TMEM174: variants seen among roughly 807,000 people sequenced by gnomAD.
The protein encoded by TMEM174 is transmembrane protein 174.
A neutral mutation model predicts 15.1 loss-of-function variants in TMEM174; 11 were observed. The observed-to-expected ratio is 0.73, with a 90% CI of 0.46 to 1.20. The LOEUF (loss-of-function observed/expected upper bound fraction) is 1.20. Ranked by LOEUF, TMEM174 falls within the 50% of genes most tolerant of loss-of-function variation. The probability of loss-of-function intolerance (pLI) is 0.00; values close to 1 mark genes in which losing one functional copy is unlikely to be tolerated. For missense variants in TMEM174, 321 were observed against 303.6 expected (o/e 1.06, Z -0.43); for synonymous variants, 130 against 121.3 (o/e 1.07, Z -0.47).
In TMEM174 at chr5:73,174,195, C is replaced by G. The variant is rs371038389; in HGVS notation, c.*30C>G. The G allele has an allele frequency of 3.5e-5, 55 of 1,592,264 alleles. No homozygotes were observed. Among genetic ancestry groups the G allele is most frequent in the African/African-American group, 2.7e-5 (2 of 74,488 alleles). ...TATTCTGATATAATAACACAATGCT[C>G]AGCTCAGGGAGCAAGTGTTTCCGTC... On this transcript the variant is annotated 3_prime_UTR_variant, in exon 2 of 2. Transcript: ENST00000296776.
rs780956761 is a variant in TMEM174, at chr5:73,173,588, A to G, written c.345A>G (p.Pro115=). 4 of 1,614,240 alleles carry G rather than the reference A, an allele frequency of 2.5e-6. No homozygotes were observed. Among genetic ancestry groups the G allele is most frequent in the Admixed American group, 1.7e-5 (1 of 60,024 alleles). ...GGGTCCCGGACTCGGAACAGACACCAGGAGGACCATCATTTGTTTTCACTG... is the reference window on the plus strand; with the variant it reads ...GGGTCCCGGACTCGGAACAGACACCGGGAGGACCATCATTTGTTTTCACTG... ...EERVPDSEQT[P]GGPSFVFTGI... Residue 115 remains proline (P), a synonymous_variant, in exon 1 of 2, where the codon CCA becomes CCG. Coordinates refer to ENST00000296776, the MANE Select transcript of TMEM174 (RefSeq NM_153217.3).
rs1745009312 is a variant in TMEM174 at position 73,173,353 on chromosome 5, G to T, written c.110G>T (p.Gly37Val). ...DIQVSDDDKA[G>V]ATLLFSGIFL... is the part of the protein sequence containing the mutation. The stretch of plus-strand genomic sequence containing the variant: ...CAGGTGTCCGATGATGACAAGGCGG[G>T]GGCCACCTTGCTCTTCTCAGGCATC... Residue 37 changes from glycine to valine, a missense_variant, in exon 1 of 2, where the codon GGG becomes GTG. Physicochemically the swap from Gly to Val is moderately radical, Grantham distance 109 (BLOSUM62 -3). Transcript: ENST00000296776. The T allele has an allele frequency of 3.1e-6, 5 of 1,605,812 alleles. No individual in the cohort carries two copies. The highest frequency in any genetic ancestry group is 4.3e-6 in the Non-Finnish European group (5 of 1,174,410).
chr5:73,173,903 C>T, intron 1 of TMEM174, 34 bp downstream of exon 1: 1 of 1,598,122 alleles, frequency 6.3e-7, no homozygotes, highest in African/African-American at 1.3e-5. Flanking sequence ...TGCACTCCTT[C>T]TAGCCATCTC....
At position 73,173,485 on chromosome 5, in the gene TMEM174, T is replaced by A; in HGVS notation, c.242T>A (p.Val81Asp). 6.2e-7 allele frequency: 1 copy of A among 1,614,220 alleles called. No individual in the cohort carries two copies. The highest frequency in any genetic ancestry group is 1.7e-5 in the Admixed American group (1 of 60,026). ...CTCCTTGGGCCCGTCCTGCTGTCAG[T>A]TGGGGTGACATTCATCCTGATTGCT... ...TQLLGPVLLS[V>D]GVTFILIAVC... The change falls in exon 1 of 2, where the codon GTT (valine) becomes GAT (aspartate). Residue 81 changes from valine to aspartate, a missense_variant. By Grantham distance (152) the Val-to-Asp change is radical. Coordinates refer to ENST00000296776, the MANE Select transcript of TMEM174 (RefSeq NM_153217.3).
At chr5:73,173,992 T>C (rs1340001225) in intron 1 of TMEM174, 68 bp from the exon 2 acceptor site, 1 of 1,607,682 alleles carries the variant, frequency 6.2e-7, no homozygotes, top group African/African-American at 1.3e-5. Context: ...TTGCCCACGA[T>C]GGCAGCCTTG....
Position 73,174,782 on chromosome 5 carries a change from T to C in TMEM174, c.*617T>C, listed in dbSNP as rs1745040308. 6.6e-6 allele frequency: 1 copy of C among 152,644 alleles called. No individual in the cohort carries two copies. The highest frequency in any genetic ancestry group is 2.4e-5 in the African/African-American group (1 of 41,474). The allele number at this position is 152,644 out of a possible 1,614,324, so 9.5% of individuals were successfully genotyped here. Reference sequence around the variant, plus strand: ...AATCATGTCTCCTGCTAGAATAGTATTGGATACCTGACTAAATTACACAAA... The same window carrying C: ...AATCATGTCTCCTGCTAGAATAGTACTGGATACCTGACTAAATTACACAAA... On this transcript the variant is annotated 3_prime_UTR_variant, in exon 2 of 2. Coordinates refer to ENST00000296776, the MANE Select transcript of TMEM174 (RefSeq NM_153217.3).
In TMEM174 at chr5:73,174,789, C is replaced by A. The variant is rs1213590775; in HGVS notation, c.*624C>A. On this transcript the variant is annotated 3_prime_UTR_variant, in exon 2 of 2. Transcript: ENST00000296776. ...TCTCCTGCTAGAATAGTATTGGATA[C>A]CTGACTAAATTACACAAAATAGACC... 1 of 152,512 alleles carries A rather than the reference C, an allele frequency of 6.6e-6. No individual in the cohort carries two copies. The highest frequency in any genetic ancestry group is 6.5e-5 in the Admixed American group (1 of 15,286). The allele number at this position is 152,512 out of a possible 1,614,324, so 9.4% of individuals were successfully genotyped here.
chr5:73,173,995 C>A, intron 1 of TMEM174, 65 bp from the exon 2 acceptor site: 2 of 1,606,822 alleles, frequency 1.2e-6, no homozygotes, highest in Non-Finnish European at 1.7e-6. Context: ...CCCACGATGG[C>A]AGCCTTGGTT....
intron 1 of TMEM174, 66 bp from the exon 2 acceptor site, chr5:73,173,994 G>A: frequency 1.2e-6 from 2 of 1,607,348 alleles, no homozygotes; most frequent in Non-Finnish European, 1.7e-6. Context: ...GCCCACGATG[G>A]CAGCCTTGGT....
rs371650836 is a variant in TMEM174, at chr5:73,173,766, G to A, written c.523G>A (p.Ala175Thr). The A allele has an allele frequency of 5.9e-5, 95 of 1,614,058 alleles. No individual in the cohort carries two copies. The South Asian group carries it at 7.1e-4, about 12-fold the overall frequency. The change falls in exon 1 of 2, where the codon GCC becomes ACC. Residue 175 changes from alanine (A) to threonine (T), a missense_variant. Physicochemically the swap from Ala to Thr is moderately conservative, Grantham distance 58. Coordinates refer to ENST00000296776, the MANE Select transcript of TMEM174 (RefSeq NM_153217.3). Reference sequence around the variant, plus strand: ...CATAACCTCTGGAGGGGCAGCAGCCGCCATGTCAAGTCCTCCTCAATACTA... The same window carrying A: ...CATAACCTCTGGAGGGGCAGCAGCCACCATGTCAAGTCCTCCTCAATACTA... ...GLITSGGAAAAMSSPPQYYTI... is the reference protein window; with the variant it reads ...GLITSGGAAATMSSPPQYYTI...
chr5:73,173,565 G>T lies in TMEM174; in HGVS notation c.322G>T (p.Val108Phe). Residue 108 changes from valine (V) to phenylalanine (F), a missense_variant, in exon 1 of 2, where the codon GTC (valine) becomes TTC (phenylalanine). By Grantham distance (50) the Val-to-Phe change is conservative (BLOSUM62 -1). Transcript: ENST00000296776. ...GTTGTGCAAAGAAAGTGAGGAAAGG[G>T]TCCCGGACTCGGAACAGACACCAGG... The part of the protein sequence containing the change: ...CQLCKESEER[V>F]PDSEQTPGGP... The T allele has an allele frequency of 6.2e-7, 1 of 1,614,224 alleles. No homozygotes were observed.
Position 73,173,369 on chromosome 5 carries a change from C to T in TMEM174, c.126C>T (p.Phe42=). ...ACAAGGCGGGGGCCACCTTGCTCTT[C>T]TCAGGCATCTTTCTGGGACTGGTGG... The part of the protein sequence containing the change: ...DDDKAGATLL[F]SGIFLGLVGI... The change falls in exon 1 of 2, where the codon TTC becomes TTT. Residue 42 remains phenylalanine (F), a synonymous_variant. Coordinates refer to ENST00000296776, the MANE Select transcript of TMEM174 (RefSeq NM_153217.3). 6.2e-7 allele frequency: 1 copy of T among 1,610,604 alleles called. No individual in the cohort carries two copies. The highest frequency in any genetic ancestry group is 8.5e-7 in the Non-Finnish European group (1 of 1,177,248).
In TMEM174 at chr5:73,174,173, T is replaced by C. The variant is rs1273254975; in HGVS notation, c.*8T>C. On this transcript the variant is annotated 3_prime_UTR_variant, in exon 2 of 2. Transcript: ENST00000296776. The stretch of plus-strand genomic sequence containing the variant: ...TACTCTCTCCCTCGCTAGAGGCTAT[T>C]CTGATATAATAACACAATGCTCAGC... 1.9e-6 allele frequency: 3 copies of C among 1,607,750 alleles called. No individual in the cohort carries two copies. Among genetic ancestry groups the C allele is most frequent in the Non-Finnish European group, 1.7e-6 (2 of 1,174,250 alleles).
intron 1 of TMEM174, 80 bp downstream of exon 1, chr5:73,173,949 G>T: frequency 1.3e-6 from 2 of 1,597,424 alleles, no homozygotes; most frequent in South Asian, 1.1e-5. Context: ...CATGAATAAG[G>T]TGTTGGGAGA....
At position 73,173,242 on chromosome 5, in the gene TMEM174, C is replaced by A; in HGVS notation, c.-2C>A. 5.2e-6 allele frequency: 8 copies of A among 1,524,916 alleles called. No homozygotes were observed. The highest frequency in any genetic ancestry group is 7.0e-6 in the Non-Finnish European group (8 of 1,137,070). 94.5% of individuals were successfully genotyped at this position (1,524,916 alleles called of 1,614,324 possible). ...AGAAGCAGGGTGAGCCCACAAGGAGCAATGGAGCAGGGCAGCGGCCGCTTG... is the reference window on the plus strand; with the variant it reads ...AGAAGCAGGGTGAGCCCACAAGGAGAAATGGAGCAGGGCAGCGGCCGCTTG... On this transcript the variant is annotated 5_prime_UTR_variant, in exon 1 of 2. Coordinates refer to ENST00000296776, the MANE Select transcript of TMEM174 (RefSeq NM_153217.3).
chr5:73,174,118 T>C lies in TMEM174; in HGVS notation c.685T>C (p.Cys229Arg), dbSNP rs1213490369. The change falls in exon 2 of 2, where the codon TGC (cysteine) becomes CGC (arginine). Residue 229 changes from cysteine (C) to arginine (R), a missense_variant. Coordinates refer to ENST00000296776, the MANE Select transcript of TMEM174 (RefSeq NM_153217.3). ...ETQLEEEACA[C>R]FSPPPYEEIY... ...ACAGCTGGAAGAGGAGGCCTGTGCC[T>C]GCTTCTCTCCTCCCCCTTATGAAGA... The C allele has an allele frequency of 6.2e-6, 10 of 1,614,180 alleles. 1 individual carries two copies. In the Admixed American group the frequency reaches 1.7e-4, roughly 27 times the overall value.
chr5:73,173,468 G>C lies in TMEM174; in HGVS notation c.225G>C (p.Gly75=), dbSNP rs111768440. 73 of 1,614,082 alleles carry C rather than the reference G, an allele frequency of 4.5e-5. No individual in the cohort carries two copies. The highest frequency in any genetic ancestry group is 5.9e-5 in the Non-Finnish European group (70 of 1,180,044). The change falls in exon 1 of 2, where the codon GGG becomes GGC. Residue 75 remains glycine (G), a synonymous_variant. Transcript: ENST00000296776. ...VSHFEWTQLL[G]PVLLSVGVTF... The stretch of plus-strand genomic sequence containing the variant: ...ACTTTGAATGGACCCAGCTCCTTGG[G>C]CCCGTCCTGCTGTCAGTTGGGGTGA...
chr5:73,174,287 C>G lies in TMEM174; in HGVS notation c.*122C>G, dbSNP rs1580257730. 5 of 860,164 alleles carry G rather than the reference C, an allele frequency of 5.8e-6. No homozygotes were observed. Among genetic ancestry groups the G allele is most frequent in the Non-Finnish European group, 5.5e-6 (3 of 547,482 alleles). The allele number at this position is 860,164 out of a possible 1,614,324, so 53.3% of individuals were successfully genotyped here. On this transcript the variant is annotated 3_prime_UTR_variant, in exon 2 of 2. Coordinates refer to ENST00000296776, the MANE Select transcript of TMEM174 (RefSeq NM_153217.3). ...AGAAGTTACAGCAGCGCCCAGGCAG[C>G]CTGACAGAGATCATTCAAGGGGGGA...
Position 73,173,537 on chromosome 5 carries a change from C to G in TMEM174, c.294C>G (p.Cys98Trp), listed in dbSNP as rs1308799431. Residue 98 changes from cysteine to tryptophan, a missense_variant, in exon 1 of 2, where the codon TGC becomes TGG. By Grantham distance (215) the Cys-to-Trp change is radical. Transcript: ENST00000296776. ...TGTGCAAGTTCAAAATGCTCTCCTG[C>G]CAGTTGTGCAAAGAAAGTGAGGAAA... ...IAVCKFKMLS[C>W]QLCKESEERV... The G allele has an allele frequency of 1.9e-6, 3 of 1,614,088 alleles. No individual in the cohort carries two copies. The African/African-American group carries it at 4.0e-5, about 22-fold the overall frequency.
Sources: allele counts gnomAD v4.1 joint callset, GRCh38; gene constraint gnomAD v4.1.1; transcripts MANE v1.5; gene names NCBI Gene and HGNC (gene_info 2026-07-23, HGNC 2026-07-21).